EPS15: variants seen among roughly 807,000 people sequenced by gnomAD.
EPS15 encodes the protein epidermal growth factor receptor substrate 15.
A neutral mutation model predicts 113.8 loss-of-function variants in EPS15; 72 were observed. The ratio of observed to expected loss-of-function variants is 0.63; its 90% CI spans 0.52 to 0.77. The LOEUF is 0.77. Among genes scored for constraint, EPS15 ranks in the 30% least tolerant of loss-of-function variants. The pLI, the probability that EPS15 is intolerant of heterozygous loss-of-function variation, is 0.00. For missense variants in EPS15, 1,048 were observed against 1,045.8 expected, an observed-to-expected ratio of 1.00 and a Z score of -0.03; for synonymous variants, 344 against 363.4, an observed-to-expected ratio of 0.95 and a Z score of 0.61.
chr1:51,356,666 ATACTATATTG>A lies in EPS15; in HGVS notation c.*24_*33del. ...ATAGTTTCAGTATTCAGGAAGAAGA[ATACTATATTG>A]TTGCCAAAGAACAAGAGAATTCTTC... On this transcript the variant is annotated 3_prime_UTR_variant, in exon 25 of 25. Coordinates refer to ENST00000371733, the MANE Select transcript of EPS15 (RefSeq NM_001981.3). 1 of 1,596,472 alleles carries A rather than the reference ATACTATATTG, an allele frequency of 6.3e-7. No homozygotes were observed. The highest frequency in any genetic ancestry group is 8.6e-7 in the Non-Finnish European group (1 of 1,167,386).
At chr1:51,409,741 G>C (rs768140922) in intron 13 of EPS15, 45 bp from the exon 14 acceptor site, 2 of 1,385,450 alleles carry the variant, frequency 1.4e-6, no homozygotes, top group East Asian at 2.3e-5. Flanking sequence ...TTGCGGGCAG[G>C]GGAGGGTTAA....
chr1:51,443,505 C>A (rs1474547856), intron 11 of EPS15, among the ~76,000 whole-genome samples: 1 of 149,270 alleles, frequency 6.7e-6, no homozygotes, highest in African/African-American at 2.4e-5. Context: ...CACAAAAAGG[C>A]CCCCCCCATA....
intron 1 of EPS15, 56 bp downstream of exon 1, chr1:51,519,143 C>A: frequency 7.9e-7 from 1 of 1,272,316 alleles, no homozygotes. Context: ...AAGCTGAGGG[C>A]GGTGGGGGAG....
chr1:51,462,435 G>T (rs1288916663), intron 7 of EPS15, among the ~76,000 whole-genome samples: 1 of 151,930 alleles, frequency 6.6e-6, no homozygotes, highest in East Asian at 1.9e-4. Flanking sequence ...ATATGAAGAG[G>T]ATTATGGAGA....
chr1:51,397,879 A>C (rs1009190541), intron 20 of EPS15, among the ~76,000 whole-genome samples: 2 of 152,210 alleles, frequency 1.3e-5, no homozygotes, highest in Non-Finnish European at 2.9e-5. Flanking sequence ...TTACCTACAG[A>C]CATGAAACTG....
chr1:51,383,886 G>A (rs116025045), intron 21 of EPS15, among the ~76,000 whole-genome samples: 493 of 152,196 alleles, frequency 3.2e-3, no homozygotes, highest in Non-Finnish European at 5.6e-3. Flanking sequence ...GTTGAATTTG[G>A]CACAGTAGCA....
At chr1:51,400,534 A>G (rs1400278400) in intron 19 of EPS15, among the ~76,000 whole-genome samples, 21 of 151,664 alleles carry the variant, frequency 1.4e-4, no homozygotes, top group Admixed American at 1.4e-3. Flanking sequence ...GTCTCTACAA[A>G]AAATAAAAAA....
intron 1 of EPS15, among the ~76,000 whole-genome samples, chr1:51,508,229 AAAAGAAAAG>A (rs1320792475): frequency 7.7e-5 from 9 of 116,266 alleles, no homozygotes; most frequent in South Asian, 3.0e-4. Context: ...AAAAGAAAAG[AAAAGAAAAG>A]AAAGAGAGAA....
In EPS15 at chr1:51,519,182, C is replaced by T; in HGVS notation, c.33+17G>A. On this transcript the variant is annotated intron_variant, in intron 1 of 24. Transcript: ENST00000371733. The stretch of plus-strand genomic sequence containing the variant: ...GCACCGGCCGGCCAAGCCCGGCGGA[C>T]GGGCGTGTGGCGTTACCTGTGTCAG... 2.8e-6 allele frequency: 4 copies of T among 1,421,480 alleles called. No homozygotes were observed. Among genetic ancestry groups the T allele is most frequent in the Admixed American group, 2.6e-5 (1 of 38,078 alleles). 88.1% of individuals were successfully genotyped at this position (1,421,480 alleles called of 1,614,324 possible). A position where few individuals can be genotyped will look rare whatever the true frequency, so the allele number is the denominator to read the frequency against.
chr1:51,511,988 A>G (rs1644629634), intron 1 of EPS15, among the ~76,000 whole-genome samples: 1 of 152,232 alleles, frequency 6.6e-6, no homozygotes, highest in South Asian at 2.1e-4. Flanking sequence ...TTTTAAAAAG[A>G]GCCCAACTTT....
intron 9 of EPS15, 146 bp downstream of exon 9, chr1:51,447,900 T>C: frequency 8.1e-7 from 1 of 1,235,866 alleles, no homozygotes; most frequent in Non-Finnish European, 1.1e-6. Context: ...TGTACTTTGT[T>C]AAAAAAAAAT....
chr1:51,519,015 G>T (rs2148577972), intron 1 of EPS15, among the ~76,000 whole-genome samples, 184 bp downstream of exon 1: 1 of 151,308 alleles, frequency 6.6e-6, no homozygotes, highest in East Asian at 2.0e-4. Flanking sequence ...GCCGCAGGGG[G>T]GCTCCGGCTC....
intron 14 of EPS15, 136 bp downstream of exon 14, chr1:51,409,399 C>T (rs1649473786): frequency 9.8e-6 from 7 of 711,264 alleles, no homozygotes; most frequent in East Asian, 5.4e-5. Flanking sequence ...CTTGCTCCAT[C>T]GCCCCCATGA....
At chr1:51,489,259 A>AT (rs1337614648) in intron 1 of EPS15, among the ~76,000 whole-genome samples, 4 of 150,344 alleles carry the variant, frequency 2.7e-5, no homozygotes, top group Non-Finnish European at 5.9e-5. Flanking sequence ...TAAGAAAAAA[A>AT]TTTTTACAAA....
At chr1:51,413,695 TA>T (rs1403701393) in intron 13 of EPS15, among the ~76,000 whole-genome samples, 1 of 152,232 alleles carries the variant, frequency 6.6e-6, no homozygotes, top group East Asian at 1.9e-4. Flanking sequence ...ATCTGACATT[TA>T]AAACTTTCAT....
chr1:51,386,969 C>T lies in EPS15; in HGVS notation c.2119+7412G>A, dbSNP rs1483248750. Among the ~76,000 whole-genome samples, 7 of 152,078 alleles carry T rather than the reference C, an allele frequency of 4.6e-5. No homozygotes were observed. In the East Asian group the frequency reaches 5.8e-4, roughly 13 times the overall value. ...ATTCAGATTCAGGAAATACAGAGAACGACACAAAGATACTCCTCGAGAAGA... is the reference window on the plus strand; with the variant it reads ...ATTCAGATTCAGGAAATACAGAGAATGACACAAAGATACTCCTCGAGAAGA... On this transcript the variant is annotated intron_variant, in intron 21 of 24. Transcript: ENST00000371733.
In EPS15 at chr1:51,393,897, A is replaced by G. The variant is rs549764786; in HGVS notation, c.2119+484T>C. On this transcript the variant is annotated intron_variant, in intron 21 of 24. Transcript: ENST00000371733. ...GTTTAAAATGAGATTACTATTTAAA[A>G]AGTTATTAAAAGAATAAATAAAAAA... Among the ~76,000 whole-genome samples, 22 of 152,356 alleles carry G rather than the reference A, an allele frequency of 1.4e-4. No homozygotes were observed. In the South Asian group the frequency reaches 2.7e-3, roughly 19 times the overall value.
At chr1:51,470,277 A>G (rs906896824) in intron 4 of EPS15, among the ~76,000 whole-genome samples, 4 of 152,228 alleles carry the variant, frequency 2.6e-5, no homozygotes, top group Non-Finnish European at 5.9e-5. Context: ...CTGCAGGAGG[A>G]AAGTGCCTAC....
chr1:51,505,852 C>T (rs990980751), intron 1 of EPS15, among the ~76,000 whole-genome samples: 13 of 150,694 alleles, frequency 8.6e-5, no homozygotes, highest in South Asian at 4.2e-4. Flanking sequence ...AGTGCAATGG[C>T]GCAATCTTGG....
Sources: allele counts gnomAD v4.1 joint callset (sites outside exome capture counted in the v4.1 genomes callset), GRCh38; gene constraint gnomAD v4.1.1; transcripts MANE v1.5; gene names NCBI Gene and HGNC (gene_info 2026-07-23, HGNC 2026-07-21).